TENM2: variants seen among roughly 807,000 people sequenced by gnomAD.
The protein encoded by TENM2 is teneurin transmembrane protein 2.
TENM2 carries 52 observed loss-of-function variants against 245.2 expected under a neutral mutation model. The ratio of observed to expected loss-of-function variants is 0.21; its 90% CI spans 0.17 to 0.27. The LOEUF (loss-of-function observed/expected upper bound fraction) is 0.27. Among genes scored for constraint, TENM2 ranks in the 10% least tolerant of loss-of-function variants. The pLI is 1.00. For missense variants in TENM2, 3,046 were observed against 3,666.8 expected, an observed-to-expected ratio of 0.83 and a Z score of 4.37; for synonymous variants, 1,363 against 1,438.9, an observed-to-expected ratio of 0.95 and a Z score of 1.19.
At chr5:167,745,057 CCCTATATAGATGCTCATCAGAACAGCA>C (rs1238799368) in intron 2 of TENM2, among the ~76,000 whole-genome samples, 1 of 152,106 alleles carries the variant, frequency 6.6e-6, no homozygotes, top group Non-Finnish European at 1.5e-5. Context: ...AACCAACAGC[CCCTATATAGATGCTCATCAGAACAGCA>C]CGTCATATGA....
the TENM2 span, among the ~76,000 whole-genome samples, chr5:167,044,073 G>GAAGGA: frequency 1.3e-5 from 2 of 151,812 alleles, no homozygotes; most frequent in African/African-American, 4.8e-5. Flanking sequence ...AGGAAGGAAG[G>GAAGGA]AAGGAAGGAA....
At chr5:167,559,703 G>A (rs756395380) in intron 2 of TENM2, among the ~76,000 whole-genome samples, 19 of 152,142 alleles carry the variant, frequency 1.2e-4, no homozygotes, top group Non-Finnish European at 2.1e-4. Flanking sequence ...AGGGGGCATG[G>A]AGATATTTCT....
At chr5:167,190,610 C>G in the TENM2 span, among the ~76,000 whole-genome samples, 1 of 152,148 alleles carries the variant, frequency 6.6e-6, no homozygotes, top group African/African-American at 2.4e-5. Context: ...TTACTTTACT[C>G]TAGGTTTCTA....
At chr5:167,720,864 C>G (rs756872594) in intron 2 of TENM2, among the ~76,000 whole-genome samples, 10 of 152,154 alleles carry the variant, frequency 6.6e-5, no homozygotes, top group Non-Finnish European at 1.0e-4. Context: ...TTAGTTACTA[C>G]TTGAATGTAA....
intron 9 of TENM2, among the ~76,000 whole-genome samples, chr5:168,107,554 CT>C (rs1251449224): frequency 1.1e-5 from 1 of 93,962 alleles, no homozygotes; most frequent in African/African-American, 3.9e-5. Context: ...AGCAAGCCTC[CT>C]GGGGGGGGGG....
At chr5:167,981,617 G>A (rs1288600304) in intron 4 of TENM2, among the ~76,000 whole-genome samples, 3 of 152,162 alleles carry the variant, frequency 2.0e-5, no homozygotes, top group African/African-American at 4.8e-5. Context: ...TTTTCAGATA[G>A]AATGCTCCTA....
intron 5 of TENM2, among the ~76,000 whole-genome samples, chr5:168,033,555 C>T (rs1787318105): frequency 6.6e-6 from 1 of 152,126 alleles, no homozygotes; most frequent in Admixed American, 6.5e-5. Context: ...GGCACACTCC[C>T]AGACCTCAGT....
chr5:167,917,594 G>A (rs903498910), intron 3 of TENM2, among the ~76,000 whole-genome samples: 2 of 152,194 alleles, frequency 1.3e-5, no homozygotes, highest in East Asian at 1.9e-4. Context: ...CACCTCACCT[G>A]TCTAAGTCTT....
intron 2 of TENM2, among the ~76,000 whole-genome samples, chr5:167,654,567 A>T (rs1396036550): frequency 6.6e-6 from 1 of 151,210 alleles, no homozygotes; most frequent in African/African-American, 2.4e-5. Flanking sequence ...TTGCTATTAT[A>T]CTCATCTGAC....
rs1383045902 is a variant in TENM2 at position 168,216,756 on chromosome 5, T to G, written c.4079-12T>G. 6.2e-7 allele frequency: 1 copy of G among 1,613,776 alleles called. No homozygotes were observed. Among genetic ancestry groups the G allele is most frequent in the Non-Finnish European group, 8.5e-7 (1 of 1,179,728 alleles). On this transcript the variant is annotated splice_polypyrimidine_tract_variant and intron_variant, in intron 21 of 28. Transcript: ENST00000518659. Reference sequence around the variant, plus strand: ...TTCCAAGAGATAAATCCACACCGCTTGTCTTGCTCAGGTATTGCAGTAGAC... The same window carrying G: ...TTCCAAGAGATAAATCCACACCGCTGGTCTTGCTCAGGTATTGCAGTAGAC...
chr5:167,105,887 C>CAAAAAAAAAAAAAA, the TENM2 span, among the ~76,000 whole-genome samples: 9 of 48,832 alleles, frequency 1.8e-4, no homozygotes, highest in Non-Finnish European at 2.3e-4. Context: ...GACTCCGTCT[C>CAAAAAAAAAAAAAA]AAAAAAAAAA....
intron 2 of TENM2, among the ~76,000 whole-genome samples, chr5:167,782,847 A>G (rs1467098088): frequency 6.6e-6 from 1 of 152,166 alleles, no homozygotes; most frequent in Non-Finnish European, 1.5e-5. Context: ...TAAAAAGCAA[A>G]TGTAGGTGAG....
At chr5:167,054,930 C>G in the TENM2 span, among the ~76,000 whole-genome samples, 1 of 151,856 alleles carries the variant, frequency 6.6e-6, no homozygotes, top group African/African-American at 2.4e-5. Flanking sequence ...TAGGATGAGT[C>G]CTTTATCCTA....
chr5:168,030,576 T>C (rs1787052608), intron 5 of TENM2, among the ~76,000 whole-genome samples: 1 of 152,144 alleles, frequency 6.6e-6, no homozygotes, highest in African/African-American at 2.4e-5. Flanking sequence ...GTCTGGGAAC[T>C]ACAGCCCGAA....
the TENM2 span, among the ~76,000 whole-genome samples, chr5:167,152,741 T>C: frequency 6.6e-6 from 1 of 152,140 alleles, no homozygotes; most frequent in Non-Finnish European, 1.5e-5. Flanking sequence ...AGGTAGTGTA[T>C]AAAGTGTGGA....
At chr5:168,195,068 C>T in intron 14 of TENM2, 108 bp from the exon 17 acceptor site, 2 of 1,322,562 alleles carry the variant, frequency 1.5e-6, no homozygotes, top group Non-Finnish European at 2.1e-6. Context: ...TGTTGAAAGC[C>T]TTCTCCTTGC....
At chr5:167,026,914 AT>A in the TENM2 span, among the ~76,000 whole-genome samples, 2 of 150,592 alleles carry the variant, frequency 1.3e-5, no homozygotes, top group East Asian at 2.0e-4. Flanking sequence ...GAACCCACTG[AT>A]TTTTTTTTTC....
chr5:168,094,610 T>C lies in TENM2; in HGVS notation c.1712-3416T>C, dbSNP rs540251130. Among the ~76,000 whole-genome samples, 10 of 151,934 alleles carry C rather than the reference T, an allele frequency of 6.6e-5. No individual in the cohort carries two copies. The South Asian group carries it at 1.9e-3, about 28-fold the overall frequency. On this transcript the variant is annotated intron_variant, in intron 8 of 28. Transcript: ENST00000518659. Reference sequence around the variant, plus strand: ...TAGGGCCGCAGATCAGTATTCACCATAATGTCAAATCAGTGGAAGCCCTCA... The same window carrying C: ...TAGGGCCGCAGATCAGTATTCACCACAATGTCAAATCAGTGGAAGCCCTCA...
At chr5:167,261,277 G>T in the TENM2 span, among the ~76,000 whole-genome samples, 1 of 152,044 alleles carries the variant, frequency 6.6e-6, no homozygotes, top group Non-Finnish European at 1.5e-5. Context: ...GTTATGTCTT[G>T]TTCCCATCTT....
Sources: gnomAD v4.1 joint callset for allele counts (sites outside exome capture counted in the v4.1 genomes callset) on GRCh38, gnomAD v4.1.1 for gene constraint, MANE v1.5 for transcripts, NCBI Gene and HGNC (gene_info 2026-07-23, HGNC 2026-07-21) for gene names.